Variants in H2AC20 observed in about 807,000 individuals in gnomAD.
The protein encoded by H2AC20 is H2A clustered histone 20.
Under a neutral mutation model 7.1 loss-of-function variants are expected in H2AC20, and 7 were observed. The observed-to-expected ratio is 0.99, with a 90% CI of 0.56 to 1.85. The LOEUF (loss-of-function observed/expected upper bound fraction) is 1.85, where lower values mean the gene tolerates loss of function less well. H2AC20 is among the 40% of genes most tolerant of loss of function. The pLI is 0.00. For synonymous variants in H2AC20, 97 were observed against 82.2 expected, an observed-to-expected ratio of 1.18 and a Z score of -0.98; for missense variants, 127 against 179.6, an observed-to-expected ratio of 0.71 and a Z score of 1.67.
rs962175648 is a variant in H2AC20 at position 149,887,397 on chromosome 1, T to C, written c.*33T>C. On this transcript the variant is annotated 3_prime_UTR_variant, in exon 1 of 1. Coordinates refer to ENST00000331380, the MANE Select transcript of H2AC20 (RefSeq NM_003517.3). Reference sequence around the variant, plus strand: ...CAAACAAACCAAGACCAAAGGCTCTTTTTAGAGCCACCCAAGTTTTCAAAA... The same window carrying C: ...CAAACAAACCAAGACCAAAGGCTCTCTTTAGAGCCACCCAAGTTTTCAAAA... 5.0e-6 allele frequency: 8 copies of C among 1,586,034 alleles called. No homozygotes were observed. The African/African-American group carries it at 9.6e-5, about 19-fold the overall frequency.
At position 149,887,063 on chromosome 1, in the gene H2AC20, G is replaced by C. The variant is rs1553759878; in HGVS notation, c.89G>C (p.Arg30Pro). The C allele has an allele frequency of 6.2e-7, 1 of 1,613,988 alleles. No individual in the cohort carries two copies. Among genetic ancestry groups the C allele is most frequent in the Non-Finnish European group, 8.5e-7 (1 of 1,179,992 alleles). ...GCTGGCCTCCAGTTCCCGGTAGGGCGAGTGCACCGCTTGCTGCGCAAAGGC... is the reference window on the plus strand; with the variant it reads ...GCTGGCCTCCAGTTCCCGGTAGGGCCAGTGCACCGCTTGCTGCGCAAAGGC... ...SRAGLQFPVG[R>P]VHRLLRKGNY... The change falls in exon 1 of 1, where the codon CGA becomes CCA. Residue 30 changes from arginine (R) to proline (P), a missense_variant. Coordinates refer to ENST00000331380, the MANE Select transcript of H2AC20 (RefSeq NM_003517.3).
Position 149,887,405 on chromosome 1 carries a change from C to G in H2AC20, c.*41C>G. ...CCAAGACCAAAGGCTCTTTTTAGAG[C>G]CACCCAAGTTTTCAAAAAAAGAGCT... is the stretch of plus-strand genomic sequence containing the variant. On this transcript the variant is annotated 3_prime_UTR_variant, in exon 1 of 1. Coordinates refer to ENST00000331380, the MANE Select transcript of H2AC20 (RefSeq NM_003517.3). 2 of 1,578,368 alleles carry G rather than the reference C, an allele frequency of 1.3e-6. No individual in the cohort carries two copies. The highest frequency in any genetic ancestry group is 1.7e-6 in the Non-Finnish European group (2 of 1,165,418).
rs111633198 is a variant in H2AC20, at chr1:149,887,133, G to C, written c.159G>C (p.Ala53=). The C allele has an allele frequency of 8.1e-6, 13 of 1,614,016 alleles. No homozygotes were observed. Among genetic ancestry groups the C allele is most frequent in the Non-Finnish European group, 1.1e-5 (13 of 1,180,036 alleles). ...RVGAGAPVYM[A]AVLEYLTAEI... is the part of the protein sequence containing the mutation. Reference sequence around the variant, plus strand: ...GGGCCGGCGCGCCCGTCTACATGGCGGCGGTCCTCGAGTACCTGACCGCCG... The same window carrying C: ...GGGCCGGCGCGCCCGTCTACATGGCCGCGGTCCTCGAGTACCTGACCGCCG... The change falls in exon 1 of 1, where the codon GCG becomes GCC. Residue 53 remains alanine, a synonymous_variant. Coordinates refer to ENST00000331380, the MANE Select transcript of H2AC20 (RefSeq NM_003517.3).
rs2092308066 is a variant in H2AC20, at chr1:149,887,271, C to A, written c.297C>A (p.Gly99=). 1 of 1,614,106 alleles carries A rather than the reference C, an allele frequency of 6.2e-7. No individual in the cohort carries two copies. The highest frequency in any genetic ancestry group is 1.3e-5 in the African/African-American group (1 of 74,942). ...RNDEELNKLL[G]KVTIAQGGVL... ...ACGAGGAACTGAACAAGCTGCTGGGCAAAGTCACCATCGCCCAGGGCGGCG... is the reference window on the plus strand; with the variant it reads ...ACGAGGAACTGAACAAGCTGCTGGGAAAAGTCACCATCGCCCAGGGCGGCG... Residue 99 remains glycine, a synonymous_variant, in exon 1 of 1, where the codon GGC becomes GGA. Transcript: ENST00000331380.
Position 149,886,933 on chromosome 1 carries a change from C to A in H2AC20, c.-42C>A. ...GTTCTCTTTCAATCTTATTTTGTTG[C>A]GAGGTTCTGAGCGTTGTCTGTGTTT... On this transcript the variant is annotated 5_prime_UTR_variant, in exon 1 of 1. Transcript: ENST00000331380. 1 of 1,613,418 alleles carries A rather than the reference C, an allele frequency of 6.2e-7. No individual in the cohort carries two copies. Among genetic ancestry groups the A allele is most frequent in the Non-Finnish European group, 8.5e-7 (1 of 1,179,668 alleles).
chr1:149,887,115 C>T lies in H2AC20; in HGVS notation c.141C>T (p.Gly47=), dbSNP rs782459847. 6.2e-7 allele frequency: 1 copy of T among 1,613,898 alleles called. No individual in the cohort carries two copies. The highest frequency in any genetic ancestry group is 1.3e-5 in the African/African-American group (1 of 74,926). ...ACTACGCGGAGCGGGTGGGGGCCGG[C>T]GCGCCCGTCTACATGGCGGCGGTCC... ...KGNYAERVGA[G]APVYMAAVLE... Residue 47 remains glycine (G), a synonymous_variant, in exon 1 of 1, where the codon GGC becomes GGT. Transcript: ENST00000331380.
Position 149,887,119 on chromosome 1 carries a change from C to G in H2AC20, c.145C>G (p.Pro49Ala). 1 of 1,614,086 alleles carries G rather than the reference C, an allele frequency of 6.2e-7. No homozygotes were observed. Among genetic ancestry groups the G allele is most frequent in the Non-Finnish European group, 8.5e-7 (1 of 1,179,992 alleles). The change falls in exon 1 of 1, where the codon CCC becomes GCC. Residue 49 changes from proline (P) to alanine (A), a missense_variant. Transcript: ENST00000331380. ...CGCGGAGCGGGTGGGGGCCGGCGCG[C>G]CCGTCTACATGGCGGCGGTCCTCGA... Reference protein sequence around the residue: ...NYAERVGAGAPVYMAAVLEYL... With the variant: ...NYAERVGAGAAVYMAAVLEYL...
rs587706583 is a variant in H2AC20 at position 149,887,099 on chromosome 1, A to G, written c.125A>G (p.Glu42Gly). The part of the protein sequence containing the change: ...HRLLRKGNYA[E>G]RVGAGAPVYM... Reference sequence around the variant, plus strand: ...TTGCTGCGCAAAGGCAACTACGCGGAGCGGGTGGGGGCCGGCGCGCCCGTC... The same window carrying G: ...TTGCTGCGCAAAGGCAACTACGCGGGGCGGGTGGGGGCCGGCGCGCCCGTC... Residue 42 changes from glutamate (E) to glycine (G), a missense_variant, in exon 1 of 1, where the codon GAG becomes GGG. Coordinates refer to ENST00000331380, the MANE Select transcript of H2AC20 (RefSeq NM_003517.3). 3 of 1,613,906 alleles carry G rather than the reference A, an allele frequency of 1.9e-6. No individual in the cohort carries two copies. Among genetic ancestry groups the G allele is most frequent in the Non-Finnish European group, 1.7e-6 (2 of 1,179,904 alleles).
Position 149,887,190 on chromosome 1 carries a change from G to C in H2AC20, c.216G>C (p.Arg72=). Reference sequence around the variant, plus strand: ...TGGAGCTGGCGGGCAACGCGGCTCGGGACAACAAGAAGACGCGCATCATCC... The same window carrying C: ...TGGAGCTGGCGGGCAACGCGGCTCGCGACAACAAGAAGACGCGCATCATCC... ...EILELAGNAA[R]DNKKTRIIPR... The change falls in exon 1 of 1, where the codon CGG becomes CGC. Residue 72 remains arginine, a synonymous_variant. Coordinates refer to ENST00000331380, the MANE Select transcript of H2AC20 (RefSeq NM_003517.3). 6.2e-7 allele frequency: 1 copy of C among 1,614,078 alleles called. No homozygotes were observed. Among genetic ancestry groups the C allele is most frequent in the Non-Finnish European group, 8.5e-7 (1 of 1,180,020 alleles).
chr1:149,887,080 C>T lies in H2AC20; in HGVS notation c.106C>T (p.Arg36Cys). 1 of 1,614,036 alleles carries T rather than the reference C, an allele frequency of 6.2e-7. No individual in the cohort carries two copies. The highest frequency in any genetic ancestry group is 8.5e-7 in the Non-Finnish European group (1 of 1,179,960). Residue 36 changes from arginine to cysteine, a missense_variant, in exon 1 of 1, where the codon CGC becomes TGC. Coordinates refer to ENST00000331380, the MANE Select transcript of H2AC20 (RefSeq NM_003517.3). ...GGTAGGGCGAGTGCACCGCTTGCTG[C>T]GCAAAGGCAACTACGCGGAGCGGGT... ...FPVGRVHRLLRKGNYAERVGA... is the reference protein window; with the variant it reads ...FPVGRVHRLLCKGNYAERVGA...
In H2AC20 at chr1:149,886,942, G is replaced by T; in HGVS notation, c.-33G>T. On this transcript the variant is annotated 5_prime_UTR_variant, in exon 1 of 1. Coordinates refer to ENST00000331380, the MANE Select transcript of H2AC20 (RefSeq NM_003517.3). ...CAATCTTATTTTGTTGCGAGGTTCT[G>T]AGCGTTGTCTGTGTTTAACCTTGAT... is the stretch of plus-strand genomic sequence containing the variant. 2 of 1,614,104 alleles carry T rather than the reference G, an allele frequency of 1.2e-6. No individual in the cohort carries two copies. Among genetic ancestry groups the T allele is most frequent in the South Asian group, 1.1e-5 (1 of 91,072 alleles).
Position 149,887,151 on chromosome 1 carries a change from G to T in H2AC20, c.177G>T (p.Leu59=). 6.2e-7 allele frequency: 1 copy of T among 1,614,148 alleles called. No individual in the cohort carries two copies. Among genetic ancestry groups the T allele is most frequent in the Non-Finnish European group, 8.5e-7 (1 of 1,180,032 alleles). Residue 59 remains leucine, a synonymous_variant, in exon 1 of 1, where the codon CTG becomes CTT. Coordinates refer to ENST00000331380, the MANE Select transcript of H2AC20 (RefSeq NM_003517.3). ...ACATGGCGGCGGTCCTCGAGTACCT[G>T]ACCGCCGAGATCCTGGAGCTGGCGG... ...PVYMAAVLEY[L]TAEILELAGN...
In H2AC20 at chr1:149,887,375, A is replaced by C. The variant is rs2092311564; in HGVS notation, c.*11A>C. ...GCCAAAAGCAAATAAATGCAGACAA[A>C]CAAACCAAGACCAAAGGCTCTTTTT... On this transcript the variant is annotated 3_prime_UTR_variant, in exon 1 of 1. Coordinates refer to ENST00000331380, the MANE Select transcript of H2AC20 (RefSeq NM_003517.3). 1.9e-6 allele frequency: 3 copies of C among 1,604,136 alleles called. No individual in the cohort carries two copies. The African/African-American group carries it at 4.0e-5, about 22-fold the overall frequency.
rs373716356 is a variant in H2AC20 at position 149,886,944 on chromosome 1, G to C, written c.-31G>C. 6.2e-7 allele frequency: 1 copy of C among 1,614,060 alleles called. No homozygotes were observed. The highest frequency in any genetic ancestry group is 1.1e-5 in the South Asian group (1 of 91,070). ...ATCTTATTTTGTTGCGAGGTTCTGA[G>C]CGTTGTCTGTGTTTAACCTTGATTT... is the stretch of plus-strand genomic sequence containing the variant. On this transcript the variant is annotated 5_prime_UTR_variant, in exon 1 of 1. Coordinates refer to ENST00000331380, the MANE Select transcript of H2AC20 (RefSeq NM_003517.3).
rs781898437 is a variant in H2AC20 at position 149,887,135 on chromosome 1, C to T, written c.161C>T (p.Ala54Val). 3 of 1,614,116 alleles carry T rather than the reference C, an allele frequency of 1.9e-6. No homozygotes were observed. Among genetic ancestry groups the T allele is most frequent in the East Asian group, 2.2e-5 (1 of 44,860 alleles). ...GCCGGCGCGCCCGTCTACATGGCGG[C>T]GGTCCTCGAGTACCTGACCGCCGAG... The part of the protein sequence containing the change: ...VGAGAPVYMA[A>V]VLEYLTAEIL... The change falls in exon 1 of 1, where the codon GCG becomes GTG. Residue 54 changes from alanine to valine, a missense_variant. Transcript: ENST00000331380.
rs782243784 is a variant in H2AC20, at chr1:149,887,043, C to T, written c.69C>T (p.Gly23=). The part of the protein sequence containing the change: ...AKAKSRSSRA[G]LQFPVGRVHR... ...CCAAGTCGCGCTCGTCCCGCGCTGG[C>T]CTCCAGTTCCCGGTAGGGCGAGTGC... The change falls in exon 1 of 1, where the codon GGC becomes GGT. Residue 23 remains glycine (G), a synonymous_variant. Transcript: ENST00000331380. 8.9e-5 allele frequency: 144 copies of T among 1,614,046 alleles called. No homozygotes were observed. Among genetic ancestry groups the T allele is most frequent in the Non-Finnish European group, 7.8e-5 (92 of 1,179,992 alleles).
rs1319264708 is a variant in H2AC20 at position 149,886,937 on chromosome 1, G to T, written c.-38G>T. On this transcript the variant is annotated 5_prime_UTR_variant, in exon 1 of 1. Coordinates refer to ENST00000331380, the MANE Select transcript of H2AC20 (RefSeq NM_003517.3). The stretch of plus-strand genomic sequence containing the variant: ...TCTTTCAATCTTATTTTGTTGCGAG[G>T]TTCTGAGCGTTGTCTGTGTTTAACC... 6.2e-7 allele frequency: 1 copy of T among 1,613,982 alleles called. No homozygotes were observed. The highest frequency in any genetic ancestry group is 8.5e-7 in the Non-Finnish European group (1 of 1,179,938).
chr1:149,887,070 C>T lies in H2AC20; in HGVS notation c.96C>T (p.His32=), dbSNP rs782784144. 1.4e-5 allele frequency: 22 copies of T among 1,613,966 alleles called. No homozygotes were observed. Among genetic ancestry groups the T allele is most frequent in the East Asian group, 6.7e-5 (3 of 44,896 alleles). The change falls in exon 1 of 1, where the codon CAC becomes CAT. Residue 32 remains histidine, a synonymous_variant. Coordinates refer to ENST00000331380, the MANE Select transcript of H2AC20 (RefSeq NM_003517.3). ...TCCAGTTCCCGGTAGGGCGAGTGCA[C>T]CGCTTGCTGCGCAAAGGCAACTACG... The part of the protein sequence containing the change: ...AGLQFPVGRV[H]RLLRKGNYAE...
In H2AC20 at chr1:149,887,115, C is replaced by G; in HGVS notation, c.141C>G (p.Gly47=). Reference sequence around the variant, plus strand: ...ACTACGCGGAGCGGGTGGGGGCCGGCGCGCCCGTCTACATGGCGGCGGTCC... The same window carrying G: ...ACTACGCGGAGCGGGTGGGGGCCGGGGCGCCCGTCTACATGGCGGCGGTCC... The part of the protein sequence containing the change: ...KGNYAERVGA[G]APVYMAAVLE... Residue 47 remains glycine (G), a synonymous_variant, in exon 1 of 1, where the codon GGC becomes GGG. Coordinates refer to ENST00000331380, the MANE Select transcript of H2AC20 (RefSeq NM_003517.3). The G allele has an allele frequency of 1.2e-6, 2 of 1,614,016 alleles. No homozygotes were observed. The highest frequency in any genetic ancestry group is 8.5e-7 in the Non-Finnish European group (1 of 1,179,956).
Sources: allele counts gnomAD v4.1 joint callset, GRCh38; gene constraint gnomAD v4.1.1; transcripts MANE v1.5; gene names NCBI Gene and HGNC (gene_info 2026-07-23, HGNC 2026-07-21).